Variants in CCDC3 observed in about 807,000 individuals in gnomAD.
CCDC3 encodes coiled-coil domain containing 3.
Under a neutral mutation model 21.4 loss-of-function variants are expected in CCDC3, and 24 were observed. That is an observed-to-expected ratio of 1.12 (90% CI 0.81 to 1.58). CCDC3 has a LOEUF of 1.58. Among genes scored for constraint, CCDC3 ranks in the 40% most tolerant of loss-of-function variants. CCDC3 has a pLI of 0.00. For missense variants in CCDC3, 425 were observed against 360.9 expected, an observed-to-expected ratio of 1.18 and a Z score of -1.44; for synonymous variants, 186 against 166.0, an observed-to-expected ratio of 1.12 and a Z score of -0.93.
At chr10:12,970,800 G>C (rs921060181) in intron 2 of CCDC3, among the ~76,000 whole-genome samples, 3 of 151,536 alleles carry the variant, frequency 2.0e-5, no homozygotes, top group Non-Finnish European at 4.4e-5. Context: ...TGAGGCAGGA[G>C]AATCACTTGA....
At chr10:12,900,065 CT>C (rs536572619) in intron 2 of CCDC3, among the ~76,000 whole-genome samples, 372 of 152,270 alleles carry the variant, frequency 2.4e-3, no homozygotes, top group African/African-American at 8.4e-3. Flanking sequence ...CCTGAACACT[CT>C]ATTGCCTGCC....
At chr10:12,936,417 G>A (rs761758317) in intron 2 of CCDC3, among the ~76,000 whole-genome samples, 1 of 152,040 alleles carries the variant, frequency 6.6e-6, no homozygotes, top group Admixed American at 6.6e-5. Flanking sequence ...GAGTGCAGTG[G>A]GTGTGATCAT....
At chr10:13,030,604 A>T (rs1392749401) in intron 5 of CCDC3, among the ~76,000 whole-genome samples, 1 of 152,178 alleles carries the variant, frequency 6.6e-6, no homozygotes, top group Non-Finnish European at 1.5e-5. Context: ...CCCATCTCAC[A>T]TGCAGAGACA....
intron 3 of CCDC3, among the ~76,000 whole-genome samples, chr10:13,078,866 G>A (rs192390618): frequency 2.0e-5 from 3 of 152,006 alleles, no homozygotes; most frequent in East Asian, 1.9e-4. Context: ...GTCGTGGGGT[G>A]GGGGGAGGTG....
intron 2 of CCDC3, among the ~76,000 whole-genome samples, chr10:12,900,717 C>T (rs1293662623): frequency 1.3e-5 from 2 of 150,372 alleles, no homozygotes; most frequent in Non-Finnish European, 3.0e-5. Flanking sequence ...AAACAAACTC[C>T]ATCGAGCCCC....
intron 2 of CCDC3, among the ~76,000 whole-genome samples, chr10:12,986,468 A>AT (rs1292912774): frequency 6.6e-6 from 1 of 152,166 alleles, no homozygotes; most frequent in African/African-American, 2.4e-5. Flanking sequence ...AATAAAATGA[A>AT]TTTTTTAAAA....
chr10:13,072,246 C>A (rs1471561070), intron 4 of CCDC3, among the ~76,000 whole-genome samples: 2 of 152,112 alleles, frequency 1.3e-5, no homozygotes, highest in African/African-American at 4.8e-5. Context: ...CGGACGATGG[C>A]CTTTTCTGCT....
chr10:13,007,395 G>T (rs1184843182), intron 5 of CCDC3, among the ~76,000 whole-genome samples: 1 of 152,130 alleles, frequency 6.6e-6, no homozygotes. Context: ...ACCTCTAGAA[G>T]TATATTAAAT....
rs897713075 is a variant in CCDC3 at position 13,016,052 on chromosome 10, T to C, written c.-1-17540A>G. On this transcript the variant is annotated intron_variant, in intron 5 of 6. Coordinates refer to the CCDC3 transcript ENST00000378839. ...TGCATGCCTATATCAAAATATCTCATGTAATCCATAAATATATACACCTAC... is the reference window on the plus strand; with the variant it reads ...TGCATGCCTATATCAAAATATCTCACGTAATCCATAAATATATACACCTAC... Among the ~76,000 whole-genome samples the C allele has an allele frequency of 5.9e-5, 9 of 151,978 alleles. 1 individual carries two copies. Among genetic ancestry groups the C allele is most frequent in the African/African-American group, 2.2e-4 (9 of 41,412 alleles).
rs71477255 is a variant in CCDC3, at chr10:13,041,504, ATTTTTTTTTTTTTTTTTT to A, written c.-2+8152_-2+8169del. 5.0e-3 allele frequency among the ~76,000 whole-genome samples: 309 copies of A among 62,108 alleles called. 2 individuals carry two copies. Among genetic ancestry groups the A allele is most frequent in the African/African-American group, 0.02 (242 of 12,284 alleles). The allele number at this position is 62,108 out of a possible 152,430, so 40.7% of individuals were successfully genotyped here. A position where few individuals can be genotyped will look rare whatever the true frequency, so the allele number is the denominator to read the frequency against. ...GTTCACTCCAAGTGTCTGGCAGATA[ATTTTTTTTTTTTTTTTTT>A]TTTTTTTTTTTTTTTTTTTTTGAGC... is the stretch of plus-strand genomic sequence containing the variant. On this transcript the variant is annotated intron_variant, in intron 5 of 6. Coordinates refer to the CCDC3 transcript ENST00000378839.
intron 3 of CCDC3, among the ~76,000 whole-genome samples, chr10:13,079,089 C>G (rs1003393194): frequency 6.6e-6 from 1 of 152,224 alleles, no homozygotes; most frequent in African/African-American, 2.4e-5. Flanking sequence ...AGCACCCTTT[C>G]TGCAGAAAGT....
intron 3 of CCDC3, among the ~76,000 whole-genome samples, chr10:13,075,101 G>A (rs1209159355): frequency 6.6e-6 from 1 of 152,248 alleles, no homozygotes; most frequent in East Asian, 1.9e-4. Flanking sequence ...ATGAACGAAT[G>A]GTTTCCCACT....
intron 2 of CCDC3, among the ~76,000 whole-genome samples, chr10:12,944,156 G>C (rs983675047): frequency 6.6e-6 from 1 of 152,138 alleles, no homozygotes; most frequent in African/African-American, 2.4e-5. Context: ...ATATTTCTTT[G>C]ACATATTCCA....
chr10:12,909,005 C>T (rs990283601), intron 2 of CCDC3, among the ~76,000 whole-genome samples: 1 of 152,156 alleles, frequency 6.6e-6, no homozygotes, highest in African/African-American at 2.4e-5. Context: ...AGAAAATCCA[C>T]ATCACAGTGG....
intron 2 of CCDC3, among the ~76,000 whole-genome samples, chr10:12,925,412 C>T (rs2131221149): frequency 1.3e-5 from 2 of 152,304 alleles, no homozygotes; most frequent in South Asian, 4.1e-4. Context: ...AAAACTGACA[C>T]CTCTTGAGTT....
chr10:12,910,753 G>A (rs1834260251), intron 2 of CCDC3, among the ~76,000 whole-genome samples: 1 of 151,850 alleles, frequency 6.6e-6, no homozygotes, highest in African/African-American at 2.4e-5. Context: ...GGGACTACAG[G>A]CACCCTAATT....
intron 2 of CCDC3, among the ~76,000 whole-genome samples, chr10:12,933,153 G>T (rs1203704687): frequency 6.6e-6 from 1 of 152,126 alleles, no homozygotes; most frequent in Admixed American, 6.6e-5. Context: ...GGTAGTAGGG[G>T]AGTGCTGGCT....
intron 3 of CCDC3, among the ~76,000 whole-genome samples, chr10:13,090,404 C>A (rs1341713617): frequency 6.6e-6 from 1 of 152,096 alleles, no homozygotes; most frequent in Non-Finnish European, 1.5e-5. Flanking sequence ...TTTCTTTATC[C>A]ACTCATTGAT....
intron 2 of CCDC3, among the ~76,000 whole-genome samples, chr10:12,904,855 G>T (rs1834146710): frequency 6.6e-6 from 1 of 151,962 alleles, no homozygotes; most frequent in Non-Finnish European, 1.5e-5. Flanking sequence ...AGCATTTATT[G>T]TGTGCCTGGC....
Sources: allele counts gnomAD v4.1 joint callset (sites outside exome capture counted in the v4.1 genomes callset), GRCh38; gene constraint gnomAD v4.1.1; transcripts MANE v1.5; gene names NCBI Gene and HGNC (gene_info 2026-07-23, HGNC 2026-07-21).